The following RAP1GDS1 variants were observed in gnomAD, a reference collection of about 807,000 sequenced individuals.
RAP1GDS1 encodes the protein RAP1, GTP-GDP dissociation stimulator 1.
A neutral mutation model predicts 71.1 loss-of-function variants in RAP1GDS1; 35 were observed. That is an observed-to-expected ratio of 0.49 (90% confidence interval 0.38 to 0.65). The LOEUF (loss-of-function observed/expected upper bound fraction) is 0.65. Ranked by LOEUF, RAP1GDS1 falls within the 30% of genes least tolerant of loss-of-function variation. The probability of loss-of-function intolerance (pLI) is 0.00; values close to 1 mark genes in which losing one functional copy is unlikely to be tolerated. For missense variants in RAP1GDS1, 663 were observed against 706.1 expected (o/e 0.94, Z 0.69); for synonymous variants, 229 against 243.1 (o/e 0.94, Z 0.54).
intron 7 of RAP1GDS1, among the ~76,000 whole-genome samples, chr4:98,410,871 C>T (rs1263729965): frequency 6.6e-6 from 1 of 151,954 alleles, no homozygotes; most frequent in Non-Finnish European, 1.5e-5. Context: ...CCATAATAAC[C>T]AGGATGATTT....
intron 2 of RAP1GDS1, among the ~76,000 whole-genome samples, chr4:98,327,798 A>G (rs1733365722): frequency 6.6e-6 from 1 of 152,124 alleles, no homozygotes; most frequent in South Asian, 2.1e-4. Context: ...AACAAGGGAG[A>G]TTGAAGGTGA....
chr4:98,425,938 A>G (rs971900227), intron 12 of RAP1GDS1, among the ~76,000 whole-genome samples: 3 of 152,196 alleles, frequency 2.0e-5, no homozygotes, highest in Admixed American at 6.5e-5. Flanking sequence ...TCATTAGCAA[A>G]TGGAACTTTT....
At chr4:98,386,958 G>A (rs1742860325) in intron 5 of RAP1GDS1, among the ~76,000 whole-genome samples, 1 of 151,952 alleles carries the variant, frequency 6.6e-6, no homozygotes, top group African/African-American at 2.4e-5. Context: ...ATCAAAGGTA[G>A]TTTTCTTCAG....
intron 5 of RAP1GDS1, among the ~76,000 whole-genome samples, chr4:98,380,076 A>G (rs941206105): frequency 8.8e-5 from 13 of 147,220 alleles, no homozygotes; most frequent in East Asian, 1.9e-4. Flanking sequence ...AATATTCTCA[A>G]TAATTCAAAA....
At chr4:98,346,452 G>T (rs1487773742) in intron 3 of RAP1GDS1, among the ~76,000 whole-genome samples, 3 of 152,112 alleles carry the variant, frequency 2.0e-5, no homozygotes, top group Admixed American at 2.0e-4. Context: ...ATTGAATAAA[G>T]TTGAGACTCC....
intron 2 of RAP1GDS1, among the ~76,000 whole-genome samples, chr4:98,302,274 C>T (rs192567135): frequency 1.3e-5 from 2 of 152,002 alleles, no homozygotes; most frequent in Admixed American, 6.6e-5. Context: ...AAACTTAGAA[C>T]CAAAGTGAAC....
intron 2 of RAP1GDS1, among the ~76,000 whole-genome samples, chr4:98,338,015 G>T (rs1560862476): frequency 6.6e-6 from 1 of 152,092 alleles, no homozygotes; most frequent in African/African-American, 2.4e-5. Context: ...GGACAGGGCA[G>T]GGGAGGCAAA....
intron 1 of RAP1GDS1, among the ~76,000 whole-genome samples, chr4:98,279,340 A>G (rs1724710071): frequency 6.6e-6 from 1 of 152,042 alleles, no homozygotes. Context: ...ATTTAAAATA[A>G]CTATATGCAA....
At chr4:98,412,912 C>T (rs559405773) in intron 7 of RAP1GDS1, among the ~76,000 whole-genome samples, 2 of 152,096 alleles carry the variant, frequency 1.3e-5, no homozygotes, top group South Asian at 4.2e-4. Flanking sequence ...GATCACAAGG[C>T]AAGGGCAAAG....
chr4:98,443,033 TTTTTTGCTG>T lies in RAP1GDS1; in HGVS notation c.*922_*930del. On this transcript the variant is annotated 3_prime_UTR_variant, in exon 15 of 15. Transcript: ENST00000408927. Reference sequence around the variant, plus strand: ...GAATGGAATTTTTTTTTTTTTTTTTTTTTTTGCTGTTTTTCATCATTCAGCTAGAAAGTG... The same window carrying T: ...GAATGGAATTTTTTTTTTTTTTTTTTTTTTTCATCATTCAGCTAGAAAGTG... 3 of 215,946 alleles carry T rather than the reference TTTTTTGCTG, an allele frequency of 1.4e-5. No individual in the cohort carries two copies. Among genetic ancestry groups the T allele is most frequent in the Non-Finnish European group, 1.8e-5 (2 of 108,618 alleles). The allele number at this position is 215,946 out of a possible 1,614,324, so 13.4% of individuals were successfully genotyped here. A position where few individuals can be genotyped will look rare whatever the true frequency, so the allele number is the denominator to read the frequency against.
intron 4 of RAP1GDS1, among the ~76,000 whole-genome samples, chr4:98,377,203 A>G (rs1175808531): frequency 6.6e-6 from 1 of 151,932 alleles, no homozygotes; most frequent in Non-Finnish European, 1.5e-5. Flanking sequence ...TTACTCAGGA[A>G]TTAGAATCAA....
chr4:98,392,154 A>C, intron 6 of RAP1GDS1, 74 bp downstream of exon 6: 1 of 1,333,204 alleles, frequency 7.5e-7, no homozygotes, highest in Non-Finnish European at 1.0e-6. Flanking sequence ...TGTAGATATT[A>C]AGAAGCTAGA....
intron 2 of RAP1GDS1, among the ~76,000 whole-genome samples, chr4:98,307,393 A>C (rs1451893726): frequency 1.3e-5 from 2 of 152,070 alleles, no homozygotes; most frequent in Non-Finnish European, 2.9e-5. Flanking sequence ...TTATATCAGA[A>C]ATTTTGTAAA....
chr4:98,287,001 G>A (rs526009), intron 1 of RAP1GDS1, among the ~76,000 whole-genome samples: 13,589 of 150,180 alleles, frequency 0.09, 929 homozygotes, highest in East Asian at 0.36. Context: ...ATTGTTTTTA[G>A]TATAGCCCAT....
intron 4 of RAP1GDS1, among the ~76,000 whole-genome samples, chr4:98,353,855 C>T (rs1231788478): frequency 1.3e-5 from 2 of 152,012 alleles, no homozygotes; most frequent in Non-Finnish European, 2.9e-5. Context: ...TTTTATTAAG[C>T]ACCATAGTTT....
At chr4:98,295,255 T>G (rs919407511) in intron 2 of RAP1GDS1, among the ~76,000 whole-genome samples, 4 of 152,122 alleles carry the variant, frequency 2.6e-5, no homozygotes, top group African/African-American at 9.6e-5. Context: ...CTTGTGAAAT[T>G]GTGTATCACA....
intron 5 of RAP1GDS1, among the ~76,000 whole-genome samples, chr4:98,390,344 GATTACTTAGTTGAGTAT>G (rs1430524916): frequency 2.6e-5 from 4 of 152,124 alleles, no homozygotes; most frequent in African/African-American, 9.7e-5. Context: ...TATAAATACA[GATTACTTAGTTGAGTAT>G]ATTTTAATTC....
At chr4:98,305,740 TA>T (rs779425683) in intron 2 of RAP1GDS1, among the ~76,000 whole-genome samples, 2 of 152,230 alleles carry the variant, frequency 1.3e-5, no homozygotes, top group South Asian at 2.1e-4. Flanking sequence ...CAGAAGGATA[TA>T]AATCTCCATT....
At chr4:98,417,219 T>G in intron 8 of RAP1GDS1, 148 bp from the exon 9 acceptor site, 1 of 887,228 alleles carries the variant, frequency 1.1e-6, no homozygotes, top group South Asian at 1.9e-5. Flanking sequence ...TATTAAATGT[T>G]TATTATAAAA....
Sources: gnomAD v4.1 joint callset for allele counts (sites outside exome capture counted in the v4.1 genomes callset) on GRCh38, gnomAD v4.1.1 for gene constraint, MANE v1.5 for transcripts, NCBI Gene and HGNC (gene_info 2026-07-23, HGNC 2026-07-21) for gene names.